PAK3: variants seen among roughly 807,000 people sequenced by gnomAD.
PAK3 encodes the protein p21 (RAC1) activated kinase 3.
Under a neutral mutation model 41.0 loss-of-function variants are expected in PAK3, and 4 were observed. The observed-to-expected ratio is 0.10, with a 90% CI of 0.05 to 0.22. The LOEUF (loss-of-function observed/expected upper bound fraction) is 0.22, where lower values mean the gene tolerates loss of function less well. PAK3 is among the 10% of genes least tolerant of loss of function. The pLI, the probability that PAK3 is intolerant of heterozygous loss-of-function variation, is 1.00. For synonymous variants in PAK3, 146 were observed against 139.6 expected (o/e 1.05, Z -0.32); for missense variants, 205 against 409.9 (o/e 0.50, Z 4.32).
intron 11 of PAK3, among the ~76,000 whole-genome samples, chrX:111,182,712 C>T (rs906370102): frequency 2.7e-5 from 3 of 110,737 alleles, no homozygotes; most frequent in African/African-American, 9.8e-5. Context: ...GATATATAAT[C>T]TGTTTTTATG....
intron 11 of PAK3, among the ~76,000 whole-genome samples, chrX:111,176,377 C>A (rs149506226): frequency 9.1e-6 from 1 of 110,411 alleles, no homozygotes; most frequent in African/African-American, 3.3e-5. Flanking sequence ...GGACGAATAG[C>A]CAATGCATGC....
chrX:111,114,041 G>A (rs926231764), intron 4 of PAK3, among the ~76,000 whole-genome samples: 2 of 112,278 alleles, frequency 1.8e-5, no homozygotes, highest in African/African-American at 6.5e-5. Flanking sequence ...GGACATTTGG[G>A]TTGGTTCCAA....
intron 1 of PAK3, among the ~76,000 whole-genome samples, chrX:111,082,571 T>C (rs2092843401): frequency 9.0e-6 from 1 of 111,405 alleles, no homozygotes; most frequent in East Asian, 2.8e-4. Context: ...AAGTTCTCAT[T>C]GGGCTTAGTT....
chrX:111,144,862 C>T lies in PAK3; in HGVS notation c.276+2666C>T, dbSNP rs778942380. 5.3e-6 allele frequency: 6 copies of T among 1,128,523 alleles called. No individual in the cohort carries two copies. In the South Asian group the frequency reaches 1.2e-4, roughly 22 times the overall value. The allele number at this position is 1,128,523 out of a possible 1,213,427, so 93.0% of individuals were successfully genotyped here. ...CATTTTTGTCCCAAATACTTCAGAA[C>T]TCCCCTTTCCAGACCTCTAGACCTG... On this transcript the variant is annotated intron_variant, in intron 6 of 17. Transcript: ENST00000372007.
At chrX:111,114,264 A>G (rs1406653135) in intron 4 of PAK3, among the ~76,000 whole-genome samples, 1 of 112,144 alleles carries the variant, frequency 8.9e-6, no homozygotes, top group East Asian at 2.8e-4. Context: ...GCTGGAGCCT[A>G]TAACCTCACT....
intron 5 of PAK3, among the ~76,000 whole-genome samples, chrX:111,128,715 G>C (rs1479421335): frequency 8.9e-6 from 1 of 112,110 alleles, no homozygotes; most frequent in Non-Finnish European, 1.9e-5. Context: ...TTAAGAAGAT[G>C]ATAGTGTGAT....
chrX:111,209,164 T>G (rs983744306), intron 16 of PAK3, among the ~76,000 whole-genome samples: 2 of 111,060 alleles, frequency 1.8e-5, no homozygotes, highest in African/African-American at 6.6e-5. Flanking sequence ...TGTCTGCCTT[T>G]TCTAGGAGCA....
At chrX:111,040,817 G>A (rs1048109056) in intron 1 of PAK3, among the ~76,000 whole-genome samples, 7 of 112,351 alleles carry the variant, frequency 6.2e-5, no homozygotes, top group Non-Finnish European at 9.4e-5. Context: ...GTACCAGAGG[G>A]AAGTTCAGAG....
intron 4 of PAK3, among the ~76,000 whole-genome samples, chrX:111,108,044 A>G (rs767171700): frequency 4.3e-4 from 48 of 112,158 alleles, no homozygotes; most frequent in African/African-American, 1.5e-3. Flanking sequence ...TTTGTGTGGG[A>G]AAGATCAAGT....
chrX:111,133,139 C>T (rs185913787), intron 5 of PAK3, among the ~76,000 whole-genome samples: 1 of 111,951 alleles, frequency 8.9e-6, no homozygotes, highest in East Asian at 2.8e-4. Flanking sequence ...AAACCTTTCT[C>T]AGCATATTTT....
chrX:111,199,443 C>CT (rs915380172), intron 16 of PAK3, among the ~76,000 whole-genome samples: 10 of 109,504 alleles, frequency 9.1e-5, no homozygotes, highest in Admixed American at 2.0e-4. Flanking sequence ...ATACATGTAG[C>CT]TTTTTTTTTA....
At chrX:110,962,284 G>A (rs771763229) in intron 1 of PAK3, among the ~76,000 whole-genome samples, 2 of 111,685 alleles carry the variant, frequency 1.8e-5, no homozygotes, top group Non-Finnish European at 3.8e-5. Flanking sequence ...ACCAGAAAGC[G>A]GAGTCATCCA....
chrX:110,962,530 T>A (rs1229162874), intron 1 of PAK3, among the ~76,000 whole-genome samples: 1 of 112,660 alleles, frequency 8.9e-6, no homozygotes, highest in Non-Finnish European at 1.9e-5. Context: ...ACCTTACTTG[T>A]TATTTCTCTG....
chrX:111,051,362 G>C (rs2092556049), intron 1 of PAK3, among the ~76,000 whole-genome samples: 1 of 111,644 alleles, frequency 9.0e-6, no homozygotes, highest in East Asian at 2.8e-4. Context: ...AACTCAGCTT[G>C]TCTAGCGGAA....
At chrX:111,025,951 T>C (rs1569507715) in intron 1 of PAK3, among the ~76,000 whole-genome samples, 1 of 110,560 alleles carries the variant, frequency 9.0e-6, no homozygotes, top group Admixed American at 9.6e-5. Context: ...AAAAAGATAA[T>C]CCACCATGAT....
chrX:111,032,991 T>A (rs1415597151), intron 1 of PAK3, among the ~76,000 whole-genome samples: 3 of 111,595 alleles, frequency 2.7e-5, no homozygotes, highest in Admixed American at 1.9e-4. Flanking sequence ...CACAGAGGAT[T>A]TGAGATGTGA....
At chrX:111,005,348 G>C (rs187698257) in intron 1 of PAK3, among the ~76,000 whole-genome samples, 1 of 111,568 alleles carries the variant, frequency 9.0e-6, no homozygotes, top group Admixed American at 9.5e-5. Context: ...GACCCTCCAG[G>C]CTTTCCCTTT....
At chrX:110,967,494 G>T (rs1306006933) in intron 1 of PAK3, among the ~76,000 whole-genome samples, 1 of 111,424 alleles carries the variant, frequency 9.0e-6, no homozygotes, top group Non-Finnish European at 1.9e-5. Context: ...AGGGGCCTGG[G>T]TGAGGACTGT....
chrX:111,161,768 A>G (rs892849810), intron 8 of PAK3, among the ~76,000 whole-genome samples: 1 of 110,983 alleles, frequency 9.0e-6, no homozygotes, highest in Admixed American at 9.6e-5. Flanking sequence ...CAAAGATCAG[A>G]TGGTTGTAGA....
Sources: gnomAD v4.1 joint callset for allele counts (sites outside exome capture counted in the v4.1 genomes callset) on GRCh38, gnomAD v4.1.1 for gene constraint, MANE v1.5 for transcripts, NCBI Gene and HGNC (gene_info 2026-07-23, HGNC 2026-07-21) for gene names.